STEAP3: variants seen among roughly 807,000 people sequenced by gnomAD.
STEAP3 encodes the protein metalloreductase STEAP3.
STEAP3 carries 35 observed loss-of-function variants against 34.9 expected under a neutral mutation model. The ratio of observed to expected loss-of-function variants is 1.00; its 90% CI spans 0.76 to 1.33. The LOEUF (loss-of-function observed/expected upper bound fraction) is 1.33. Ranked by LOEUF, STEAP3 falls within the 40% of genes most tolerant of loss-of-function variation. STEAP3 has a pLI of 0.00. For synonymous variants in STEAP3, 281 were observed against 301.6 expected, an observed-to-expected ratio of 0.93 and a Z score of 0.71; for missense variants, 652 against 667.6, an observed-to-expected ratio of 0.98 and a Z score of 0.26.
At chr2:119,234,307 C>T (rs1467258783) in intron 2 of STEAP3, among the ~76,000 whole-genome samples, 1 of 152,230 alleles carries the variant, frequency 6.6e-6, no homozygotes, top group African/African-American at 2.4e-5. Flanking sequence ...AGGGTTTGTG[C>T]AGCTCCAGGT....
At chr2:119,256,585 C>A (rs757204112) in intron 5 of STEAP3, among the ~76,000 whole-genome samples, 2 of 152,226 alleles carry the variant, frequency 1.3e-5, no homozygotes, top group African/African-American at 2.4e-5. Flanking sequence ...GAGACCCTAG[C>A]AGCTGCATTC....
chr2:119,260,221 T>G (rs944249526), intron 5 of STEAP3, among the ~76,000 whole-genome samples: 5 of 150,954 alleles, frequency 3.3e-5, no homozygotes, highest in Admixed American at 6.6e-5. Flanking sequence ...AAGTCCACAA[T>G]GAGGAGGGGT....
intron 4 of STEAP3, among the ~76,000 whole-genome samples, chr2:119,252,487 T>C (rs1051579612): frequency 1.7e-4 from 26 of 152,332 alleles, no homozygotes; most frequent in African/African-American, 6.0e-4. Flanking sequence ...GCAGCCTCAC[T>C]GGTCCTTCAG....
In STEAP3 at chr2:119,248,343, G is replaced by A. The variant is rs1031236261; in HGVS notation, c.1050+137G>A. On this transcript the variant is annotated intron_variant, in intron 4 of 5. Coordinates refer to ENST00000393110, the MANE Select transcript of STEAP3 (RefSeq NM_182915.3). ...TGCCAACTGCAGATTCTGTTCCAAT[G>A]GGGCAGCACCCACATCCTCCTGCCC... 29 of 983,734 alleles carry A rather than the reference G, an allele frequency of 2.9e-5. No individual in the cohort carries two copies. In the African/African-American group the frequency reaches 3.9e-4, roughly 13 times the overall value. The allele number at this position is 983,734 out of a possible 1,614,324, so 60.9% of individuals were successfully genotyped here. A position where few individuals can be genotyped will look rare whatever the true frequency, so the allele number is the denominator to read the frequency against.
chr2:119,245,368 G>A (rs1262778457), intron 2 of STEAP3, 121 bp from the exon 3 acceptor site: 55 of 1,423,046 alleles, frequency 3.9e-5, no homozygotes, highest in African/African-American at 5.7e-5. Context: ...GGTAGCACTC[G>A]GTGAACACCT....
chr2:119,247,370 G>A (rs79425886), intron 3 of STEAP3, among the ~76,000 whole-genome samples: 10,236 of 152,326 alleles, frequency 0.067, 418 homozygotes, highest in African/African-American at 0.1. Flanking sequence ...GGGACTACCT[G>A]GATGAGCATT....
intron 5 of STEAP3, chr2:119,257,439 T>C (rs1677806203): frequency 2.0e-6 from 3 of 1,477,110 alleles, no homozygotes; most frequent in African/African-American, 2.9e-5. Context: ...AAGTGACTGA[T>C]AGGTGCGCAT....
At chr2:119,255,987 A>C (rs758439123) in intron 5 of STEAP3, among the ~76,000 whole-genome samples, 1 of 152,176 alleles carries the variant, frequency 6.6e-6, no homozygotes, top group Non-Finnish European at 1.5e-5. Context: ...TCCACACAGA[A>C]TCTGCGGTCA....
intron 2 of STEAP3, among the ~76,000 whole-genome samples, chr2:119,234,216 C>T (rs1677026158): frequency 4.6e-5 from 7 of 152,174 alleles, no homozygotes; most frequent in Admixed American, 3.9e-4. Context: ...AGGGATGAGG[C>T]CCATCCCTGA....
chr2:119,230,964 G>A lies in STEAP3; in HGVS notation c.-49G>A, dbSNP rs202117646. ...AGCCAGAAAGGGTGGCTCACCTCAC[G>A]GTGAGGCTGTCGAGTGACCTGAGAG... On this transcript the variant is annotated 5_prime_UTR_variant, in exon 2 of 6. Coordinates refer to ENST00000393110, the MANE Select transcript of STEAP3 (RefSeq NM_182915.3). The A allele has an allele frequency of 8.4e-4, 1,355 of 1,613,882 alleles. 4 individuals are homozygous for A. Among genetic ancestry groups the A allele is most frequent in the Non-Finnish European group, 9.8e-4 (1,162 of 1,179,782 alleles).
intron 4 of STEAP3, among the ~76,000 whole-genome samples, chr2:119,251,471 C>T (rs1315313567): frequency 6.6e-6 from 1 of 152,154 alleles, no homozygotes; most frequent in East Asian, 1.9e-4. Context: ...CCTGGAAATA[C>T]ACATTTCAAC....
intron 5 of STEAP3, among the ~76,000 whole-genome samples, chr2:119,257,117 C>A (rs1024587420): frequency 6.6e-6 from 1 of 152,018 alleles, no homozygotes; most frequent in Non-Finnish European, 1.5e-5. Context: ...GTGGGTCATG[C>A]AATTGATTCC....
intron 2 of STEAP3, among the ~76,000 whole-genome samples, chr2:119,243,312 C>T (rs1472849064): frequency 6.6e-6 from 1 of 152,194 alleles, no homozygotes; most frequent in East Asian, 1.9e-4. Context: ...CCTCTTGTCC[C>T]AGCCAGTGTG....
intron 4 of STEAP3, among the ~76,000 whole-genome samples, chr2:119,249,836 C>T (rs533197503): frequency 2.0e-5 from 3 of 152,334 alleles, no homozygotes; most frequent in African/African-American, 7.2e-5. Flanking sequence ...GGAAGAACCC[C>T]AGACTTCAGG....
At chr2:119,232,525 G>A (rs868315959) in intron 2 of STEAP3, among the ~76,000 whole-genome samples, 7 of 152,302 alleles carry the variant, frequency 4.6e-5, no homozygotes, top group South Asian at 4.1e-4. Flanking sequence ...TGGGGAAGAC[G>A]GAATTCATGC....
intron 2 of STEAP3, among the ~76,000 whole-genome samples, chr2:119,240,696 C>G (rs561088174): frequency 3.9e-5 from 6 of 152,300 alleles, no homozygotes; most frequent in African/African-American, 1.4e-4. Flanking sequence ...ACCAGGACAC[C>G]CGATCCTCCA....
rs1299692508 is a variant in STEAP3 at position 119,263,517 on chromosome 2, G to A, written c.*179G>A. The A allele has an allele frequency of 1.3e-6, 1 of 775,294 alleles. No individual in the cohort carries two copies. Among genetic ancestry groups the A allele is most frequent in the East Asian group, 2.7e-5 (1 of 37,340 alleles). 48.0% of individuals were successfully genotyped at this position (775,294 alleles called of 1,614,324 possible). A position where few individuals can be genotyped will look rare whatever the true frequency, so the allele number is the denominator to read the frequency against. ...TTCAGAATGATATACACACATATGT[G>A]TATATGTATTTACATATATTCCACA... On this transcript the variant is annotated 3_prime_UTR_variant, in exon 6 of 6. Transcript: ENST00000393110.
chr2:119,242,448 G>T (rs1558747851), intron 2 of STEAP3, among the ~76,000 whole-genome samples: 1 of 152,148 alleles, frequency 6.6e-6, no homozygotes, highest in Admixed American at 6.5e-5. Flanking sequence ...GGCCCAAATT[G>T]CAGATGCTGG....
rs367598322 is a variant in STEAP3, at chr2:119,245,982, C to T, written c.516C>T (p.Asn172=). The stretch of plus-strand genomic sequence containing the variant: ...TGCAGGCTGGCCCAAGGGATGGTAA[C>T]AGGCAGGTAGGTTCTGGGGGAATAA... The part of the protein sequence containing the change: ...WTLQAGPRDG[N]RQVPICGDQP... Residue 172 remains asparagine, a synonymous_variant, in exon 3 of 6, where the codon AAC becomes AAT. Coordinates refer to ENST00000393110, the MANE Select transcript of STEAP3 (RefSeq NM_182915.3). The T allele has an allele frequency of 6.2e-5, 100 of 1,611,488 alleles. No homozygotes were observed. Among genetic ancestry groups the T allele is most frequent in the Non-Finnish European group, 7.6e-5 (90 of 1,178,516 alleles).
Sources: gnomAD v4.1 joint callset for allele counts (sites outside exome capture counted in the v4.1 genomes callset) on GRCh38, gnomAD v4.1.1 for gene constraint, MANE v1.5 for transcripts, NCBI Gene and HGNC (gene_info 2026-07-23, HGNC 2026-07-21) for gene names.